CHD9: variants seen among roughly 807,000 people sequenced by gnomAD.
CHD9 encodes the protein chromodomain helicase DNA binding protein 9.
In CHD9, 77 loss-of-function variants were observed where a neutral mutation model predicts 316.1. The observed-to-expected ratio is 0.24, with a 90% CI of 0.20 to 0.29. The LOEUF is 0.29. Among genes scored for constraint, CHD9 ranks in the 10% least tolerant of loss-of-function variants. The pLI, the probability that CHD9 is intolerant of heterozygous loss-of-function variation, is 1.00. For missense variants in CHD9, 2,763 were observed against 3,438.1 expected (o/e 0.80, Z 4.91); for synonymous variants, 1,129 against 1,158.3 (o/e 0.97, Z 0.51).
chr16:53,078,221 T>C (rs2034719637), intron 1 of CHD9, among the ~76,000 whole-genome samples: 1 of 152,142 alleles, frequency 6.6e-6, no homozygotes, highest in Admixed American at 6.5e-5. Flanking sequence ...CCTCCAAAAG[T>C]GGTGTTGAAA....
Position 53,292,960 on chromosome 16 carries a change from G to A in CHD9, c.5418G>A (p.Pro1806=). Residue 1806 remains proline, a synonymous_variant, in exon 29 of 39, where the codon CCG becomes CCA. Coordinates refer to ENST00000447540, the MANE Select transcript of CHD9 (RefSeq NM_001308319.2). ...NKNRQIQQIQ[P]TFSVPTSVMQ... Reference sequence around the variant, plus strand: ...ACAGACAAATTCAGCAGATACAACCGACTTTCTCGGTGCCTACCAGTGTAA... The same window carrying A: ...ACAGACAAATTCAGCAGATACAACCAACTTTCTCGGTGCCTACCAGTGTAA... 1.9e-6 allele frequency: 3 copies of A among 1,613,792 alleles called. No homozygotes were observed. Among genetic ancestry groups the A allele is most frequent in the Non-Finnish European group, 2.5e-6 (3 of 1,179,834 alleles).
Position 53,326,134 on chromosome 16 carries a change from G to C in CHD9, c.*1239G>C, listed in dbSNP as rs1425492180. On this transcript the variant is annotated 3_prime_UTR_variant, in exon 39 of 39. Transcript: ENST00000447540. ...TCAATTTCATAGACTCCTTTACCAT[G>C]TAAAATTTGTCTGATATTTGATTTG... 6.6e-6 allele frequency: 1 copy of C among 152,436 alleles called. No homozygotes were observed. Among genetic ancestry groups the C allele is most frequent in the Non-Finnish European group, 1.5e-5 (1 of 67,908 alleles). The allele number at this position is 152,436 out of a possible 1,614,324, so 9.4% of individuals were successfully genotyped here.
chr16:53,057,654 CAA>C (rs879298093), intron 1 of CHD9, among the ~76,000 whole-genome samples: 4 of 129,718 alleles, frequency 3.1e-5, no homozygotes, highest in Admixed American at 8.0e-5. Context: ...AACTCCATCT[CAA>C]AAAAAAAAAA....
At chr16:53,276,410 A>G (rs1389446371) in intron 24 of CHD9, among the ~76,000 whole-genome samples, 1 of 151,912 alleles carries the variant, frequency 6.6e-6, no homozygotes. Flanking sequence ...TCATATTCCT[A>G]CTCTTTAAGA....
intron 22 of CHD9, 79 bp downstream of exon 22, chr16:53,268,205 A>G: frequency 1.0e-6 from 1 of 992,474 alleles, no homozygotes. Flanking sequence ...CCTATAAAAT[A>G]TAAAAGCATT....
chr16:53,091,294 C>T (rs1472120060), intron 1 of CHD9, among the ~76,000 whole-genome samples: 1 of 152,200 alleles, frequency 6.6e-6, no homozygotes, highest in Non-Finnish European at 1.5e-5. Flanking sequence ...AGTTCAAATC[C>T]CCGGGTGACC....
intron 11 of CHD9, among the ~76,000 whole-genome samples, chr16:53,237,031 T>A (rs948104717): frequency 2.7e-4 from 41 of 152,116 alleles, no homozygotes; most frequent in Non-Finnish European, 7.4e-5. Context: ...ATATTTTTAT[T>A]TGCCTCTTGC....
At chr16:53,168,117 A>G (rs1358500471) in intron 2 of CHD9, among the ~76,000 whole-genome samples, 2 of 151,956 alleles carry the variant, frequency 1.3e-5, no homozygotes, top group East Asian at 1.9e-4. Flanking sequence ...GCTGGAGTGC[A>G]GTGGCACGAT....
chr16:53,194,862 A>C (rs1308961474), intron 2 of CHD9, among the ~76,000 whole-genome samples: 1 of 152,156 alleles, frequency 6.6e-6, no homozygotes, highest in African/African-American at 2.4e-5. Context: ...TTTCTCTGTT[A>C]CTGTTTTCTT....
rs1220218423 is a variant in CHD9 at position 53,055,005 on chromosome 16, G to C, written c.-237G>C. On this transcript the variant is annotated 5_prime_UTR_variant, in exon 1 of 39. Transcript: ENST00000447540. ...CTCTAGTGGGCGCTTCACAGGCGCA[G>C]CGACAGCGACAGCGACAGCTCGAAC... is the stretch of plus-strand genomic sequence containing the variant. 5 of 152,234 alleles carry C rather than the reference G, an allele frequency of 3.3e-5. No individual in the cohort carries two copies. Among genetic ancestry groups the C allele is most frequent in the African/African-American group, 4.8e-5 (2 of 41,460 alleles). 9.4% of individuals were successfully genotyped at this position (152,234 alleles called of 1,614,324 possible).
intron 1 of CHD9, among the ~76,000 whole-genome samples, chr16:53,082,979 CT>C (rs2035160414): frequency 6.6e-6 from 1 of 152,196 alleles, no homozygotes; most frequent in Non-Finnish European, 1.5e-5. Flanking sequence ...CTGTGGCCCC[CT>C]GAGGACTATG....
At chr16:53,252,880 T>A (rs1391871724) in intron 17 of CHD9, among the ~76,000 whole-genome samples, 1 of 151,986 alleles carries the variant, frequency 6.6e-6, no homozygotes, top group Non-Finnish European at 1.5e-5. Flanking sequence ...ATGGCCATAA[T>A]CAAAAAATCG....
rs1162096315 is a variant in CHD9, at chr16:53,283,680, A to C, written c.4968-1916A>C. On this transcript the variant is annotated intron_variant, in intron 24 of 38. Coordinates refer to ENST00000447540, the MANE Select transcript of CHD9 (RefSeq NM_001308319.2). ...CGTTCAAAAATAAATATCTCTTTTTACTGTATTTCTCATTTCTTTTTTAAC... is the reference window on the plus strand; with the variant it reads ...CGTTCAAAAATAAATATCTCTTTTTCCTGTATTTCTCATTTCTTTTTTAAC... 2.0e-5 allele frequency among the ~76,000 whole-genome samples: 3 copies of C among 152,182 alleles called. No individual in the cohort carries two copies. The East Asian group carries it at 5.8e-4, about 29-fold the overall frequency.
intron 3 of CHD9, among the ~76,000 whole-genome samples, chr16:53,217,266 T>G (rs2046838374): frequency 6.6e-6 from 1 of 152,232 alleles, no homozygotes; most frequent in Non-Finnish European, 1.5e-5. Flanking sequence ...TTTTATTTTA[T>G]TTTTGAGACA....
At chr16:53,247,809 A>G (rs1289941359) in intron 16 of CHD9, 3 of 232,100 alleles carry the variant, frequency 1.3e-5, no homozygotes. Flanking sequence ...ATGAAACTTT[A>G]AATAGATATA....
rs751658744 is a variant in CHD9, at chr16:53,292,889, A to T, written c.5347A>T (p.Thr1783Ser). The T allele has an allele frequency of 1.9e-6, 3 of 1,613,942 alleles. No individual in the cohort carries two copies. The highest frequency in any genetic ancestry group is 2.5e-6 in the Non-Finnish European group (3 of 1,179,878). ...TTGGCCTACTCAATCAGCTTTAACCACACGTTTGAGGCGTCTCATCACTGC... is the reference window on the plus strand; with the variant it reads ...TTGGCCTACTCAATCAGCTTTAACCTCACGTTTGAGGCGTCTCATCACTGC... Reference protein sequence around the residue: ...VYWPTQSALTTRLRRLITAYQ... With the variant: ...VYWPTQSALTSRLRRLITAYQ... Residue 1783 changes from threonine (T) to serine (S), a missense_variant, in exon 29 of 39, where the codon ACA becomes TCA. By Grantham distance (58) the Thr-to-Ser change is moderately conservative. Transcript: ENST00000447540.
chr16:53,286,454 G>C, intron 26 of CHD9, 111 bp downstream of exon 26: 1 of 622,702 alleles, frequency 1.6e-6, no homozygotes, highest in Non-Finnish European at 2.8e-6. Context: ...AAGGGAATTG[G>C]AGTTTACAAT....
intron 2 of CHD9, among the ~76,000 whole-genome samples, chr16:53,178,482 G>C (rs925329347): frequency 2.0e-5 from 3 of 147,040 alleles, no homozygotes; most frequent in African/African-American, 7.5e-5. Flanking sequence ...ACCCAGGCTG[G>C]AGTGTAGTGG....
At chr16:53,292,271 T>C (rs1315205122) in intron 28 of CHD9, among the ~76,000 whole-genome samples, 1 of 152,182 alleles carries the variant, frequency 6.6e-6, no homozygotes, top group Non-Finnish European at 1.5e-5. Context: ...AAAAAGTAGT[T>C]TTTGTTTAGT....
Sources: gnomAD v4.1 joint callset for allele counts (sites outside exome capture counted in the v4.1 genomes callset) on GRCh38, gnomAD v4.1.1 for gene constraint, MANE v1.5 for transcripts, NCBI Gene and HGNC (gene_info 2026-07-23, HGNC 2026-07-21) for gene names.